Variants in ARHGAP32 observed in about 807,000 individuals in gnomAD.
ARHGAP32 encodes rho GTPase-activating protein 32.
ARHGAP32 carries 51 observed loss-of-function variants against 186.5 expected under a neutral mutation model. That is an observed-to-expected ratio of 0.27 (90% CI 0.22 to 0.35). The LOEUF (loss-of-function observed/expected upper bound fraction) is 0.35, where lower values mean the gene tolerates loss of function less well. Ranked by LOEUF, ARHGAP32 falls within the 10% of genes least tolerant of loss-of-function variation. The pLI, the probability that ARHGAP32 is intolerant of heterozygous loss-of-function variation, is 1.00. For missense variants in ARHGAP32, 2,186 were observed against 2,623.5 expected (o/e 0.83, Z 3.64); for synonymous variants, 950 against 964.3 (o/e 0.99, Z 0.27).
At chr11:129,072,647 G>C (rs114726856) in intron 6 of ARHGAP32, among the ~76,000 whole-genome samples, 1 of 152,064 alleles carries the variant, frequency 6.6e-6, no homozygotes, top group Non-Finnish European at 1.5e-5. Flanking sequence ...CCAGTGCTAG[G>C]GTAGGAAAAC....
chr11:129,232,525 T>G (rs1944872579), intron 1 of ARHGAP32, among the ~76,000 whole-genome samples: 1 of 152,184 alleles, frequency 6.6e-6, no homozygotes, highest in Non-Finnish European at 1.5e-5. Flanking sequence ...AAAGTCAGAT[T>G]CTGGAGAATT....
intron 5 of ARHGAP32, among the ~76,000 whole-genome samples, chr11:129,112,071 C>G (rs1363553903): frequency 3.3e-5 from 5 of 152,064 alleles, no homozygotes; most frequent in Admixed American, 3.3e-4. Context: ...GGTGAAACCC[C>G]GTCTCTACTA....
rs17138137 is a variant in ARHGAP32 at position 129,066,653 on chromosome 11, T to C, written c.669+78A>G. ...CACCCTGCGTGTTCAGTATAAGCTT[T>C]TGTTTAGTATACAGACAAAAACTTC... On this transcript the variant is annotated intron_variant, in intron 7 of 22. Coordinates refer to ENST00000682385, the MANE Select transcript of ARHGAP32 (RefSeq NM_001378024.1). The C allele has an allele frequency of 2.1e-3, 2,986 of 1,406,552 alleles. 43 individuals carry two copies. The African/African-American group carries it at 0.039, about 18-fold the overall frequency. The allele number at this position is 1,406,552 out of a possible 1,614,324, so 87.1% of individuals were successfully genotyped here. A position where few individuals can be genotyped will look rare whatever the true frequency, so the allele number is the denominator to read the frequency against.
chr11:129,095,115 G>T (rs1205280272), intron 5 of ARHGAP32, among the ~76,000 whole-genome samples: 4 of 151,960 alleles, frequency 2.6e-5, no homozygotes, highest in Admixed American at 2.6e-4. Flanking sequence ...TTTCCCATTA[G>T]CCCAAAAAAG....
intron 5 of ARHGAP32, among the ~76,000 whole-genome samples, chr11:129,122,431 A>G: frequency 6.6e-6 from 1 of 152,152 alleles, no homozygotes; most frequent in East Asian, 1.9e-4. Context: ...AATGCTTAAC[A>G]GTCACAAAAT....
intron 12 of ARHGAP32, among the ~76,000 whole-genome samples, chr11:128,989,174 T>C (rs1420820977): frequency 1.3e-5 from 2 of 151,850 alleles, no homozygotes; most frequent in African/African-American, 2.4e-5. Flanking sequence ...CTGACTTTTA[T>C]TGTCCTTCAT....
chr11:129,126,745 G>C (rs1021055164), intron 2 of ARHGAP32, among the ~76,000 whole-genome samples: 1 of 151,780 alleles, frequency 6.6e-6, no homozygotes, highest in Non-Finnish European at 1.5e-5. Context: ...TATTTCTAAG[G>C]ACAAAAAAGG....
chr11:129,242,940 C>T (rs1043765930), intron 1 of ARHGAP32, among the ~76,000 whole-genome samples: 1 of 152,130 alleles, frequency 6.6e-6, no homozygotes, highest in Non-Finnish European at 1.5e-5. Context: ...CCTACCTGCA[C>T]ATTTTCCCAT....
At chr11:128,974,041 T>A (rs1945471718) in intron 21 of ARHGAP32, 83 bp downstream of exon 21, 3 of 1,496,324 alleles carry the variant, frequency 2.0e-6, no homozygotes, top group Non-Finnish European at 2.7e-6. Flanking sequence ...GTGGACAAAT[T>A]TCTCTCTTAA....
chr11:129,266,931 A>C (rs1026842678), intron 1 of ARHGAP32, among the ~76,000 whole-genome samples: 1 of 152,102 alleles, frequency 6.6e-6, no homozygotes, highest in Admixed American at 6.5e-5. Context: ...TGACCCAACC[A>C]ACAGTATTTA....
intron 1 of ARHGAP32, among the ~76,000 whole-genome samples, chr11:129,203,309 T>C (rs1358271200): frequency 6.6e-6 from 1 of 152,128 alleles, no homozygotes; most frequent in African/African-American, 2.4e-5. Context: ...ATTGGCTAAA[T>C]AAAATCTGAG....
At chr11:129,068,243 A>G (rs1365582779) in intron 6 of ARHGAP32, among the ~76,000 whole-genome samples, 1 of 152,020 alleles carries the variant, frequency 6.6e-6, no homozygotes, top group African/African-American at 2.4e-5. Flanking sequence ...CTATTACTCC[A>G]TGCCCTTTCT....
intron 6 of ARHGAP32, among the ~76,000 whole-genome samples, chr11:129,078,888 A>T (rs1195147341): frequency 6.6e-6 from 1 of 152,112 alleles, no homozygotes; most frequent in African/African-American, 2.4e-5. Flanking sequence ...GGACAAAAAA[A>T]TCTCCAGAGA....
chr11:129,212,762 T>C (rs1944596740), intron 1 of ARHGAP32, among the ~76,000 whole-genome samples: 1 of 152,218 alleles, frequency 6.6e-6, no homozygotes, highest in Non-Finnish European at 1.5e-5. Context: ...TAAATATTTG[T>C]GATCCAATTT....
intron 14 of ARHGAP32, 64 bp from the exon 15 acceptor site, chr11:128,986,149 C>T: frequency 7.8e-7 from 1 of 1,281,858 alleles, no homozygotes; most frequent in African/African-American, 1.5e-5. Context: ...AGTTCACTTA[C>T]AATTCAGTTT....
At chr11:129,260,946 A>T (rs1945313466) in intron 1 of ARHGAP32, among the ~76,000 whole-genome samples, 1 of 152,144 alleles carries the variant, frequency 6.6e-6, no homozygotes. Flanking sequence ...CAAAGATAAG[A>T]AACAGTTTCC....
intron 11 of ARHGAP32, among the ~76,000 whole-genome samples, chr11:129,012,019 G>C (rs1278489724): frequency 6.6e-6 from 1 of 152,188 alleles, no homozygotes. Context: ...TAAAGGGTAA[G>C]AATAGGATGT....
rs1020115794 is a variant in ARHGAP32 at position 129,064,137 on chromosome 11, T to C, written c.763-113A>G. The C allele has an allele frequency of 2.4e-5, 16 of 662,138 alleles. No homozygotes were observed. The African/African-American group carries it at 9.1e-4, about 38-fold the overall frequency. The allele number at this position is 662,138 out of a possible 1,614,324, so 41.0% of individuals were successfully genotyped here. A position where few individuals can be genotyped will look rare whatever the true frequency, so the allele number is the denominator to read the frequency against. On this transcript the variant is annotated intron_variant, in intron 8 of 22. Transcript: ENST00000682385. ...TAGAGATACAATAACCCAAAGAGTC[T>C]TAAAAAAAAAAACTACCATTTACTG...
chr11:129,059,008 C>G (rs1940380342), intron 10 of ARHGAP32, among the ~76,000 whole-genome samples: 1 of 152,338 alleles, frequency 6.6e-6, no homozygotes, highest in Admixed American at 6.5e-5. Context: ...AATGTTCCCA[C>G]CAGTAAACAT....
Sources: gnomAD v4.1 joint callset for allele counts (sites outside exome capture counted in the v4.1 genomes callset) on GRCh38, gnomAD v4.1.1 for gene constraint, MANE v1.5 for transcripts, NCBI Gene and HGNC (gene_info 2026-07-23, HGNC 2026-07-21) for gene names.